The following ARHGAP15 variants were observed in gnomAD, a reference collection of about 807,000 sequenced individuals.
The protein encoded by ARHGAP15 is rho GTPase-activating protein 15.
ARHGAP15 carries 51 observed loss-of-function variants against 63.7 expected under a neutral mutation model. The ratio of observed to expected loss-of-function variants is 0.80; its 90% CI spans 0.64 to 1.01. ARHGAP15 has a LOEUF of 1.01. Among genes scored for constraint, ARHGAP15 ranks in the 50% least tolerant of loss-of-function variants. ARHGAP15 has a pLI of 0.00. For missense variants in ARHGAP15, 560 were observed against 564.6 expected (o/e 0.99, Z 0.08); for synonymous variants, 191 against 193.8 (o/e 0.99, Z 0.12).
At chr2:143,687,438 A>G (rs1039643098) in intron 12 of ARHGAP15, among the ~76,000 whole-genome samples, 1 of 152,208 alleles carries the variant, frequency 6.6e-6, no homozygotes, top group East Asian at 1.9e-4. Flanking sequence ...ATATATTTAC[A>G]TACATGGCAC....
chr2:143,283,373 G>C (rs1681948938), intron 6 of ARHGAP15, among the ~76,000 whole-genome samples: 1 of 152,146 alleles, frequency 6.6e-6, no homozygotes, highest in Non-Finnish European at 1.5e-5. Flanking sequence ...CTTTAAAGTA[G>C]AGATGATCTG....
chr2:143,440,942 C>T (rs1689848487), intron 8 of ARHGAP15, among the ~76,000 whole-genome samples: 1 of 152,174 alleles, frequency 6.6e-6, no homozygotes, highest in Non-Finnish European at 1.5e-5. Flanking sequence ...TATAATAAAT[C>T]TTGCATCAGA....
At chr2:143,211,821 C>T (rs1345494185) in intron 3 of ARHGAP15, among the ~76,000 whole-genome samples, 1 of 152,144 alleles carries the variant, frequency 6.6e-6, no homozygotes, top group Non-Finnish European at 1.5e-5. Context: ...CTATTTAAGT[C>T]ACCCGCTTTC....
intron 2 of ARHGAP15, among the ~76,000 whole-genome samples, chr2:143,192,837 G>C (rs1379199415): frequency 6.6e-6 from 1 of 152,164 alleles, no homozygotes; most frequent in Non-Finnish European, 1.5e-5. Flanking sequence ...CAAATGATTT[G>C]TGCTGGAACT....
chr2:143,358,713 T>G (rs1293583942), intron 6 of ARHGAP15, among the ~76,000 whole-genome samples: 1 of 151,786 alleles, frequency 6.6e-6, no homozygotes, highest in African/African-American at 2.4e-5. Context: ...GATTCTTCTA[T>G]ATAAGTTTTT....
intron 12 of ARHGAP15, chr2:143,641,357 GTTCT>G (rs1680592027): frequency 6.6e-6 from 1 of 151,886 alleles, no homozygotes; most frequent in East Asian, 1.9e-4. Context: ...TAGCACTGTT[GTTCT>G]TTCTAATATC....
intron 6 of ARHGAP15, among the ~76,000 whole-genome samples, chr2:143,270,062 T>C (rs1001907600): frequency 2.7e-5 from 4 of 150,710 alleles, no homozygotes; most frequent in African/African-American, 9.8e-5. Context: ...AACCTCCACC[T>C]CTCGGGTTCA....
intron 8 of ARHGAP15, among the ~76,000 whole-genome samples, chr2:143,456,423 T>A (rs540067227): frequency 6.6e-6 from 1 of 152,208 alleles, no homozygotes; most frequent in South Asian, 2.1e-4. Flanking sequence ...AAATTAACAT[T>A]AGGAAACAAT....
At chr2:143,429,954 T>A (rs1274668764) in intron 6 of ARHGAP15, among the ~76,000 whole-genome samples, 1 of 152,132 alleles carries the variant, frequency 6.6e-6, no homozygotes, top group Non-Finnish European at 1.5e-5. Flanking sequence ...TCCATGCATA[T>A]TAGCTTGATC....
At chr2:143,747,639 C>T (rs952859743) in intron 13 of ARHGAP15, among the ~76,000 whole-genome samples, 9 of 152,096 alleles carry the variant, frequency 5.9e-5, no homozygotes, top group Admixed American at 2.6e-4. Flanking sequence ...TAGTATACAG[C>T]GATTTTAGAT....
intron 13 of ARHGAP15, among the ~76,000 whole-genome samples, chr2:143,747,218 G>A (rs1686202148): frequency 6.6e-6 from 1 of 151,426 alleles, no homozygotes; most frequent in African/African-American, 2.4e-5. Flanking sequence ...TGCACGCTCA[G>A]CACGTGTATT....
chr2:143,199,402 A>T (rs556326415), intron 2 of ARHGAP15, among the ~76,000 whole-genome samples: 9 of 152,288 alleles, frequency 5.9e-5, no homozygotes, highest in Middle Eastern at 3.4e-3. Context: ...TCCCTCTGCA[A>T]CTTTTCTCTT....
chr2:143,433,551 G>A (rs186479805), intron 6 of ARHGAP15, among the ~76,000 whole-genome samples: 1 of 152,138 alleles, frequency 6.6e-6, no homozygotes, highest in East Asian at 1.9e-4. Context: ...TTTTGCTTTT[G>A]GTTGTGTTAG....
At chr2:143,445,320 G>A (rs893081074) in intron 8 of ARHGAP15, among the ~76,000 whole-genome samples, 3 of 151,438 alleles carry the variant, frequency 2.0e-5, no homozygotes, top group Admixed American at 6.6e-5. Context: ...GCAACACCAC[G>A]CCTGGCTAAT....
At chr2:143,383,219 G>A (rs997554134) in intron 6 of ARHGAP15, among the ~76,000 whole-genome samples, 2 of 152,110 alleles carry the variant, frequency 1.3e-5, no homozygotes, top group Non-Finnish European at 2.9e-5. Flanking sequence ...TGCACAATTT[G>A]CCTAAGAAGG....
intron 8 of ARHGAP15, among the ~76,000 whole-genome samples, chr2:143,453,499 G>A (rs114844200): frequency 3.3e-5 from 5 of 152,084 alleles, no homozygotes; most frequent in Admixed American, 6.6e-5. Flanking sequence ...TAATCATAAC[G>A]TTAGTACAAG....
At chr2:143,550,269 TAA>T (rs1695496633) in intron 10 of ARHGAP15, among the ~76,000 whole-genome samples, 1 of 152,124 alleles carries the variant, frequency 6.6e-6, no homozygotes, top group South Asian at 2.1e-4. Flanking sequence ...GTTAGAAAAG[TAA>T]AAGATTATGA....
intron 12 of ARHGAP15, among the ~76,000 whole-genome samples, chr2:143,658,145 G>T (rs1233822438): frequency 6.6e-6 from 1 of 152,104 alleles, no homozygotes; most frequent in East Asian, 1.9e-4. Context: ...ATCTTAATTT[G>T]TTCTCTGGCC....
chr2:143,541,328 T>G (rs962218453), intron 10 of ARHGAP15, among the ~76,000 whole-genome samples: 1 of 151,996 alleles, frequency 6.6e-6, no homozygotes, highest in Non-Finnish European at 1.5e-5. Context: ...TCGAACTTCC[T>G]CCTTTAGCTC....
Sources: allele counts gnomAD v4.1 joint callset (sites outside exome capture counted in the v4.1 genomes callset), GRCh38; gene constraint gnomAD v4.1.1; transcripts MANE v1.5; gene names NCBI Gene and HGNC (gene_info 2026-07-23, HGNC 2026-07-21).